ERG: variants seen among roughly 807,000 people sequenced by gnomAD.
ERG encodes transcriptional regulator ERG.
ERG carries 9 observed loss-of-function variants against 55.3 expected under a neutral mutation model. The ratio of observed to expected loss-of-function variants is 0.16; its 90% confidence interval spans 0.10 to 0.28. The LOEUF is 0.28. ERG is among the 10% of genes least tolerant of loss of function. The pLI, the probability that ERG is intolerant of heterozygous loss-of-function variation, is 1.00. For synonymous variants in ERG, 223 were observed against 237.3 expected (o/e 0.94, Z 0.55); for missense variants, 434 against 631.6 (o/e 0.69, Z 3.35).
At chr21:38,573,252 A>G (rs1322762313) in intron 2 of ERG, among the ~76,000 whole-genome samples, 1 of 152,226 alleles carries the variant, frequency 6.6e-6, no homozygotes, top group Non-Finnish European at 1.5e-5. Context: ...AGTCTGAAAT[A>G]TGGCCTCGTG....
intron 2 of ERG, among the ~76,000 whole-genome samples, chr21:38,546,126 G>A (rs908158991): frequency 3.9e-5 from 6 of 152,072 alleles, no homozygotes; most frequent in Non-Finnish European, 8.8e-5. Flanking sequence ...TCATTGCCCT[G>A]GTCCATCTCC....
At chr21:38,634,506 G>A (rs1422603872) in intron 1 of ERG, among the ~76,000 whole-genome samples, 2 of 152,122 alleles carry the variant, frequency 1.3e-5, no homozygotes, top group Admixed American at 6.5e-5. Flanking sequence ...CCAAATATCT[G>A]GTGTAGATAA....
intron 1 of ERG, among the ~76,000 whole-genome samples, chr21:38,468,697 T>G (rs1442561186): frequency 1.3e-5 from 2 of 152,124 alleles, no homozygotes; most frequent in African/African-American, 4.8e-5. Context: ...TATGAAAATG[T>G]GGCTTCTGCC....
intron 1 of ERG, among the ~76,000 whole-genome samples, chr21:38,476,009 A>T (rs1601460838): frequency 2.0e-5 from 3 of 152,232 alleles, no homozygotes; most frequent in East Asian, 1.9e-4. Context: ...TTAAATTTTT[A>T]AAAATCTGCC....
At chr21:38,598,552 T>C (rs1316905235) in intron 1 of ERG, among the ~76,000 whole-genome samples, 2 of 152,202 alleles carry the variant, frequency 1.3e-5, no homozygotes, top group Non-Finnish European at 2.9e-5. Context: ...TTTCCTGCCA[T>C]CGGCTGAGGC....
At chr21:38,588,486 G>C (rs1263603803), upstream of ERG, among the ~76,000 whole-genome samples, 1 of 152,190 alleles carries the variant, frequency 6.6e-6, no homozygotes, top group Non-Finnish European at 1.5e-5. Flanking sequence ...ACACATCTGA[G>C]TACCTGAAGG....
At chr21:38,613,608 C>T (rs1337511754) in intron 1 of ERG, among the ~76,000 whole-genome samples, 1 of 152,238 alleles carries the variant, frequency 6.6e-6, no homozygotes, top group Non-Finnish European at 1.5e-5. Flanking sequence ...ACTGTGAAGG[C>T]AAGCAGGCTT....
chr21:38,533,884 A>C (rs1003865090), intron 2 of ERG, among the ~76,000 whole-genome samples: 1 of 152,178 alleles, frequency 6.6e-6, no homozygotes, highest in African/African-American at 2.4e-5. Flanking sequence ...CTGCCTTCAG[A>C]AAATATATAG....
chr21:38,515,093 TG>T (rs1405862824), intron 2 of ERG, among the ~76,000 whole-genome samples: 2 of 151,868 alleles, frequency 1.3e-5, no homozygotes, highest in African/African-American at 4.8e-5. Context: ...CCAAAATAAA[TG>T]GATAGATATA....
downstream of ERG, among the ~76,000 whole-genome samples, chr21:38,378,364 C>T (rs1413242417): frequency 6.6e-6 from 1 of 152,262 alleles, no homozygotes; most frequent in African/African-American, 2.4e-5. Flanking sequence ...TGGACAAAGG[C>T]TGACCATTCC....
intron 2 of ERG, among the ~76,000 whole-genome samples, chr21:38,532,670 G>T (rs886551555): frequency 1.2e-4 from 19 of 152,182 alleles, no homozygotes; most frequent in Non-Finnish European, 2.5e-4. Flanking sequence ...CCCATCATTT[G>T]CAATATTTTC....
At chr21:38,385,817 C>CA (rs2146416829) in intron 9 of ERG, among the ~76,000 whole-genome samples, 1 of 152,088 alleles carries the variant, frequency 6.6e-6, no homozygotes, top group African/African-American at 2.4e-5. Flanking sequence ...ATATTGTAAC[C>CA]AAAAAATTAC....
At chr21:38,419,777 T>TA (rs2146494215) in intron 3 of ERG, among the ~76,000 whole-genome samples, 1 of 152,282 alleles carries the variant, frequency 6.6e-6, no homozygotes, top group South Asian at 2.1e-4. Flanking sequence ...ACACTTTTTT[T>TA]ATGGGCTTCT....
intron 2 of ERG, among the ~76,000 whole-genome samples, chr21:38,512,903 C>T (rs2146728328): frequency 6.6e-6 from 1 of 152,214 alleles, no homozygotes; most frequent in Non-Finnish European, 1.5e-5. Flanking sequence ...GAGGCCGAGG[C>T]AGGCGGATCA....
At chr21:38,520,975 A>G (rs1422236794) in intron 2 of ERG, among the ~76,000 whole-genome samples, 1 of 152,170 alleles carries the variant, frequency 6.6e-6, no homozygotes, top group South Asian at 2.1e-4. Flanking sequence ...TCACCAGTTT[A>G]TAGATGGTTT....
intron 6 of ERG, among the ~76,000 whole-genome samples, chr21:38,396,297 C>G (rs937264091): frequency 6.6e-6 from 1 of 152,184 alleles, no homozygotes; most frequent in African/African-American, 2.4e-5. Flanking sequence ...CCCTTCTTGC[C>G]TAGGTTTGCA....
At chr21:38,529,646 T>G (rs894022898) in intron 2 of ERG, among the ~76,000 whole-genome samples, 2 of 152,140 alleles carry the variant, frequency 1.3e-5, no homozygotes, top group African/African-American at 4.8e-5. Context: ...ATGTTCTGAT[T>G]TGTGTCTTTA....
chr21:38,424,462 A>G, intron 2 of ERG, among the ~76,000 whole-genome samples: 1 of 152,192 alleles, frequency 6.6e-6, no homozygotes, highest in East Asian at 1.9e-4. Flanking sequence ...GGGAGGCGGA[A>G]CTACCACCTG....
At chr21:38,399,952 C>T (rs959268459) in intron 6 of ERG, 1 of 212,214 alleles carries the variant, frequency 4.7e-6, no homozygotes, top group Non-Finnish European at 9.7e-6. Context: ...AATGAACAAA[C>T]CAAGCTGAAT....
Sources: gnomAD v4.1 joint callset for allele counts (sites outside exome capture counted in the v4.1 genomes callset) on GRCh38, gnomAD v4.1.1 for gene constraint, MANE v1.5 for transcripts, NCBI Gene and HGNC (gene_info 2026-07-23, HGNC 2026-07-21) for gene names.